Variants in PTK2B observed in about 807,000 individuals in gnomAD.
The protein encoded by PTK2B is protein tyrosine kinase 2 beta, also known as protein-tyrosine kinase 2-beta.
PTK2B carries 71 observed loss-of-function variants against 142.9 expected under a neutral mutation model. That is an observed-to-expected ratio of 0.50 (90% confidence interval 0.41 to 0.61). The LOEUF is 0.61. Ranked by LOEUF, PTK2B falls within the 20% of genes least tolerant of loss-of-function variation. The probability of loss-of-function intolerance (pLI) is 0.00; values close to 1 mark genes in which losing one functional copy is unlikely to be tolerated. For synonymous variants in PTK2B, 519 were observed against 503.4 expected (o/e 1.03, Z -0.42); for missense variants, 1,105 against 1,320.4 (o/e 0.84, Z 2.53).
intron 3 of PTK2B, among the ~76,000 whole-genome samples, chr8:27,315,528 C>T (rs1803075486): frequency 6.6e-6 from 1 of 152,182 alleles, no homozygotes; most frequent in Non-Finnish European, 1.5e-5. Context: ...TTCTCTTTCA[C>T]TGTGTTCTCT....
At chr8:27,314,955 A>G (rs1055038689) in intron 3 of PTK2B, among the ~76,000 whole-genome samples, 18 of 152,310 alleles carry the variant, frequency 1.2e-4, no homozygotes, top group African/African-American at 4.1e-4. Context: ...ATAAACTTCT[A>G]TCCCTTTCCT....
intron 3 of PTK2B, among the ~76,000 whole-genome samples, chr8:27,318,088 T>C (rs1586069463): frequency 6.6e-6 from 1 of 152,310 alleles, no homozygotes. Flanking sequence ...TGCTGGCTAA[T>C]AAAGTAATAG....
intron 1 of PTK2B, among the ~76,000 whole-genome samples, chr8:27,350,247 G>A (rs190443468): frequency 2.0e-5 from 3 of 152,278 alleles, no homozygotes; most frequent in Admixed American, 2.0e-4. Flanking sequence ...ATTTAAAAAG[G>A]CGTAACGTAA....
chr8:27,425,952 T>C (rs985530414), intron 5 of PTK2B, among the ~76,000 whole-genome samples: 5 of 152,208 alleles, frequency 3.3e-5, no homozygotes, highest in Non-Finnish European at 5.9e-5. Context: ...AATGAAAGTT[T>C]GAAATTCAGG....
At chr8:27,373,384 C>T (rs2130962798) in intron 1 of PTK2B, among the ~76,000 whole-genome samples, 1 of 152,300 alleles carries the variant, frequency 6.6e-6, no homozygotes, top group South Asian at 2.1e-4. Context: ...GGGGAGGGGA[C>T]TTGGGTAGTG....
chr8:27,397,507 T>G (rs1808124377), intron 1 of PTK2B, 41 bp from the exon 2 acceptor site: 5 of 1,488,508 alleles, frequency 3.4e-6, no homozygotes, highest in Non-Finnish European at 4.7e-6. Flanking sequence ...TGTGGGCCTG[T>G]GTGGGGCTCT....
At chr8:27,367,792 T>A (rs551088963) in intron 1 of PTK2B, among the ~76,000 whole-genome samples, 2 of 152,296 alleles carry the variant, frequency 1.3e-5, no homozygotes, top group South Asian at 4.1e-4. Flanking sequence ...GCCAGCCTCC[T>A]TTTTAAACAA....
At chr8:27,357,511 T>G (rs1805455842) in intron 1 of PTK2B, among the ~76,000 whole-genome samples, 1 of 152,250 alleles carries the variant, frequency 6.6e-6, no homozygotes, top group Non-Finnish European at 1.5e-5. Flanking sequence ...ACCCCGTGCC[T>G]GCCATCTCCC....
At chr8:27,328,327 A>C (rs981099248) in intron 1 of PTK2B, among the ~76,000 whole-genome samples, 1 of 152,198 alleles carries the variant, frequency 6.6e-6, no homozygotes, top group African/African-American at 2.4e-5. Flanking sequence ...AAGTAGCGCT[A>C]AGAGATAGAG....
chr8:27,355,744 C>G (rs193131594), intron 1 of PTK2B, among the ~76,000 whole-genome samples: 3 of 152,294 alleles, frequency 2.0e-5, no homozygotes, highest in Admixed American at 1.3e-4. Flanking sequence ...AAGTTTGAGG[C>G]TACGCATGGT....
chr8:27,433,079 G>A (rs752569649), intron 10 of PTK2B, among the ~76,000 whole-genome samples: 9 of 152,084 alleles, frequency 5.9e-5, no homozygotes, highest in Admixed American at 1.3e-4. Flanking sequence ...TGCCTGCCTC[G>A]GCCTCCTAAA....
At chr8:27,321,497 T>A (rs13249943), upstream of PTK2B, among the ~76,000 whole-genome samples, 2 of 152,222 alleles carry the variant, frequency 1.3e-5, no homozygotes, top group Non-Finnish European at 2.9e-5. Flanking sequence ...TCAGACTATG[T>A]CCAGGGTAAG....
At chr8:27,319,460 G>GT (rs145127215) in intron 3 of PTK2B, among the ~76,000 whole-genome samples, 6,596 of 151,686 alleles carry the variant, frequency 0.043, 466 homozygotes, top group African/African-American at 0.15. Flanking sequence ...GGCTAACATG[G>GT]TGAAACCCCG....
At chr8:27,441,284 TG>T (rs1360738895) in intron 21 of PTK2B, among the ~76,000 whole-genome samples, 2 of 152,232 alleles carry the variant, frequency 1.3e-5, no homozygotes, top group Admixed American at 1.3e-4. Flanking sequence ...AAATATTTTT[TG>T]TCTTTTAATT....
Position 27,459,094 on chromosome 8 carries a change from A to G in PTK2B, c.*585A>G, listed in dbSNP as rs1812336891. On this transcript the variant is annotated 3_prime_UTR_variant, in exon 31 of 31. Transcript: ENST00000346049. ...GGACCTGGGGCACAGTCCAGGAACA[A>G]GCTAATTGGGAGTCCAGGCACAGGA... The G allele has an allele frequency of 4.1e-6, 1 of 242,546 alleles. No individual in the cohort carries two copies. The highest frequency in any genetic ancestry group is 2.2e-5 in the African/African-American group (1 of 45,356). The allele number at this position is 242,546 out of a possible 1,614,324, so 15.0% of individuals were successfully genotyped here.
At chr8:27,408,607 A>AT (rs1027846542) in intron 2 of PTK2B, among the ~76,000 whole-genome samples, 30 of 152,186 alleles carry the variant, frequency 2.0e-4, no homozygotes, top group African/African-American at 5.5e-4. Flanking sequence ...CATTTCAGTG[A>AT]TTTTTTTCAG....
At chr8:27,403,801 G>C (rs558247810) in intron 2 of PTK2B, among the ~76,000 whole-genome samples, 4 of 151,450 alleles carry the variant, frequency 2.6e-5, no homozygotes, top group South Asian at 4.2e-4. Flanking sequence ...TTCTTTCTTT[G>C]TTCTTCTTTC....
chr8:27,383,434 C>T (rs142550524), intron 1 of PTK2B, among the ~76,000 whole-genome samples: 21 of 152,022 alleles, frequency 1.4e-4, no homozygotes, highest in African/African-American at 3.4e-4. Flanking sequence ...TTAGTAGAGA[C>T]GGGGTGTCAC....
chr8:27,349,820 G>A (rs893833628), intron 1 of PTK2B, among the ~76,000 whole-genome samples: 1 of 152,180 alleles, frequency 6.6e-6, no homozygotes. Context: ...TCCTAATATT[G>A]TGACAAACTG....
Sources: gnomAD v4.1 joint callset for allele counts (sites outside exome capture counted in the v4.1 genomes callset) on GRCh38, gnomAD v4.1.1 for gene constraint, MANE v1.5 for transcripts, NCBI Gene and HGNC (gene_info 2026-07-23, HGNC 2026-07-21) for gene names.